Variants in BCL11A observed in about 807,000 individuals in gnomAD.
BCL11A encodes BCL11 transcription factor A.
In BCL11A, 2 loss-of-function variants were observed where a neutral mutation model predicts 55.9. That is an observed-to-expected ratio of 0.04 (90% CI 0.01 to 0.11). The LOEUF is 0.11. BCL11A is among the 10% of genes least tolerant of loss of function. BCL11A has a pLI of 1.00. For missense variants in BCL11A, 817 were observed against 1,137.1 expected, an observed-to-expected ratio of 0.72 and a Z score of 4.05; for synonymous variants, 465 against 473.4, an observed-to-expected ratio of 0.98 and a Z score of 0.23.
intron 2 of BCL11A, among the ~76,000 whole-genome samples, chr2:60,489,824 A>G (rs1250007294): frequency 6.6e-6 from 1 of 152,124 alleles, no homozygotes; most frequent in Non-Finnish European, 1.5e-5. Flanking sequence ...AATAACCCCC[A>G]AAGCAGGAGG....
intron 2 of BCL11A, chr2:60,537,296 A>C (rs1300925254): frequency 6.6e-6 from 1 of 152,190 alleles, no homozygotes; most frequent in Admixed American, 6.5e-5. Context: ...AATTTTTTTA[A>C]AATATTAGGG....
intron 2 of BCL11A, among the ~76,000 whole-genome samples, chr2:60,510,379 A>G (rs759563303): frequency 1.3e-5 from 2 of 151,056 alleles, no homozygotes; most frequent in Admixed American, 6.6e-5. Flanking sequence ...CTCTCTACAC[A>G]CTCTTCCTGG....
exon 5 of BCL11A, chr2:60,451,819 G>A (rs559762103): frequency 8.7e-6 from 2 of 229,792 alleles, no homozygotes; most frequent in South Asian, 1.8e-4. Context: ...AACAGGATTC[G>A]GCGTGCCATA....
chr2:60,454,821 T>C (rs2103760991), downstream of BCL11A, among the ~76,000 whole-genome samples: 1 of 152,322 alleles, frequency 6.6e-6, no homozygotes, highest in Middle Eastern at 3.4e-3. Context: ...GCCACTTCCT[T>C]TCAAGTTCTC....
intron 2 of BCL11A, among the ~76,000 whole-genome samples, chr2:60,515,135 C>G (rs988834037): frequency 6.6e-6 from 1 of 152,210 alleles, no homozygotes. Flanking sequence ...ACACTGGCTT[C>G]CAGGTGAGCG....
chr2:60,468,649 G>A, intron 3 of BCL11A, 83 bp downstream of exon 3: 2 of 1,002,348 alleles, frequency 2.0e-6, no homozygotes, highest in Non-Finnish European at 3.1e-6. Flanking sequence ...AACTCCTTCA[G>A]TACTTAAAAA....
At position 60,460,289 on chromosome 2, in the gene BCL11A, A is replaced by G. The variant is rs1361154809; in HGVS notation, c.*115T>C. On this transcript the variant is annotated 3_prime_UTR_variant, in exon 4 of 4. Coordinates refer to ENST00000642384, the MANE Select transcript of BCL11A (RefSeq NM_022893.4). ...TCTGTTTGTTTGTTTGTTTGTTTAAATCACATGGGACTAGAAAAAAATCCT... is the reference window on the plus strand; with the variant it reads ...TCTGTTTGTTTGTTTGTTTGTTTAAGTCACATGGGACTAGAAAAAAATCCT... 58 of 1,466,082 alleles carry G rather than the reference A, an allele frequency of 4.0e-5. No homozygotes were observed. The highest frequency in any genetic ancestry group is 5.1e-5 in the Non-Finnish European group (57 of 1,107,278). 90.8% of individuals were successfully genotyped at this position (1,466,082 alleles called of 1,614,324 possible).
intron 2 of BCL11A, among the ~76,000 whole-genome samples, chr2:60,471,309 AC>A (rs1219211428): frequency 2.3e-4 from 35 of 152,246 alleles, no homozygotes; most frequent in Non-Finnish European, 3.5e-4. Context: ...GAAAAAAAGC[AC>A]ACTGTCTTTG....
At chr2:60,466,693 C>T (rs1431691108) in intron 3 of BCL11A, among the ~76,000 whole-genome samples, 1 of 152,188 alleles carries the variant, frequency 6.6e-6, no homozygotes, top group Admixed American at 6.5e-5. Flanking sequence ...TGTCATCTCC[C>T]TCCCATCTAA....
intron 2 of BCL11A, among the ~76,000 whole-genome samples, chr2:60,476,743 T>C (rs1318239751): frequency 6.6e-6 from 1 of 152,230 alleles, no homozygotes. Flanking sequence ...ATATCCTCTC[T>C]GTCAAGTAGT....
Position 60,468,736 on chromosome 2 carries a change from A to G in BCL11A, c.483T>C (p.Gly161=). The part of the protein sequence containing the change: ...PGMSAEYAPQ[G]ICKDEPSSYT... ...AAGAAATAAGGCTCAACTTACAAAT[A>G]CCCTGCGGGGCATATTCTGCACTCA... Residue 161 remains glycine, a synonymous_variant, in exon 3 of 4, where the codon GGT becomes GGC. Transcript: ENST00000642384. 6.2e-7 allele frequency: 1 copy of G among 1,610,064 alleles called. No individual in the cohort carries two copies. The highest frequency in any genetic ancestry group is 1.1e-5 in the South Asian group (1 of 90,954).
In BCL11A at chr2:60,461,161, G is replaced by A. The variant is rs1572950253; in HGVS notation, c.1751C>T (p.Thr584Ile). 2 of 1,612,572 alleles carry A rather than the reference G, an allele frequency of 1.2e-6. No homozygotes were observed. The highest frequency in any genetic ancestry group is 1.1e-5 in the South Asian group (1 of 91,060). The change falls in exon 4 of 4, where the codon ACT becomes ATT. Residue 584 changes from threonine to isoleucine, a missense_variant. Physicochemically the swap from Thr to Ile is moderately conservative, Grantham distance 89 (BLOSUM62 -1). This residue lies in a region of BCL11A where 379 missense variants were observed against 425.3 expected (regional missense o/e 0.89). Coordinates refer to ENST00000642384, the MANE Select transcript of BCL11A (RefSeq NM_022893.4). Reference protein sequence around the residue: ...HLAEAEGHRDTCDEDSVAGES... With the variant: ...HLAEAEGHRDICDEDSVAGES... ...GCCGGCCACCGAGTCTTCGTCGCAA[G>A]TGTCCCTGTGGCCCTCGGCCTCGGC...
At chr2:60,542,373 T>C (rs934926714) in intron 2 of BCL11A, 4 of 152,470 alleles carry the variant, frequency 2.6e-5, no homozygotes, top group African/African-American at 9.7e-5. Context: ...TCACATTCAG[T>C]AATCTTCCAT....
intron 2 of BCL11A, among the ~76,000 whole-genome samples, chr2:60,530,859 C>A (rs1669422177): frequency 6.6e-6 from 1 of 152,160 alleles, no homozygotes; most frequent in South Asian, 2.1e-4. Flanking sequence ...TGTTCTCCTA[C>A]CTCTTTCGAG....
intron 2 of BCL11A, among the ~76,000 whole-genome samples, chr2:60,473,677 A>G (rs898125493): frequency 6.6e-6 from 1 of 152,226 alleles, no homozygotes; most frequent in African/African-American, 2.4e-5. Flanking sequence ...TATGTTTACC[A>G]TAGATACCAG....
At position 60,459,678 on chromosome 2, in the gene BCL11A, C is replaced by T. The variant is rs973998615; in HGVS notation, c.*726G>A. On this transcript the variant is annotated 3_prime_UTR_variant, in exon 4 of 4. Coordinates refer to ENST00000642384, the MANE Select transcript of BCL11A (RefSeq NM_022893.4). ...CGATGTGGTTTTAATAGATCCAAGG[C>T]ACTCATATTTTAAAACCAAATGATA... The T allele has an allele frequency of 9.7e-7, 1 of 1,034,294 alleles. No homozygotes were observed. The highest frequency in any genetic ancestry group is 1.7e-5 in the African/African-American group (1 of 59,370). The allele number at this position is 1,034,294 out of a possible 1,614,324, so 64.1% of individuals were successfully genotyped here. A position where few individuals can be genotyped will look rare whatever the true frequency, so the allele number is the denominator to read the frequency against.
At chr2:60,505,590 C>T (rs1018297292) in intron 2 of BCL11A, among the ~76,000 whole-genome samples, 3 of 152,172 alleles carry the variant, frequency 2.0e-5, no homozygotes, top group Admixed American at 6.5e-5. Context: ...TGCATACCTC[C>T]TTCTCTTTCC....
intron 2 of BCL11A, among the ~76,000 whole-genome samples, chr2:60,501,366 G>A (rs1679266568): frequency 6.6e-6 from 1 of 152,142 alleles, no homozygotes; most frequent in South Asian, 2.1e-4. Flanking sequence ...GGAAGCCATG[G>A]TCCTTTGGGG....
chr2:60,496,975 C>T (rs1042799583), intron 2 of BCL11A, among the ~76,000 whole-genome samples: 6 of 152,220 alleles, frequency 3.9e-5, no homozygotes, highest in Non-Finnish European at 8.8e-5. Flanking sequence ...TCTGTCTTCA[C>T]GATTACTTCA....
Sources: gnomAD v4.1 joint callset for allele counts (sites outside exome capture counted in the v4.1 genomes callset) on GRCh38, gnomAD v4.1.1 for gene constraint, gnomAD v4.1.1 regional missense constraint, MANE v1.5 for transcripts, NCBI Gene and HGNC (gene_info 2026-07-23, HGNC 2026-07-21) for gene names.